The following OR7C1 variants were observed in gnomAD, a reference collection of about 807,000 sequenced individuals.
OR7C1 encodes the protein olfactory receptor 7C1.
For synonymous variants in OR7C1, 152 were observed against 160.7 expected, an observed-to-expected ratio of 0.95 and a Z score of 0.41; for missense variants, 324 against 383.3, an observed-to-expected ratio of 0.85 and a Z score of 1.29.
intron 1 of OR7C1, chr19:14,827,132 G>A (rs60413369): frequency 0.025 from 17,623 of 692,610 alleles, 434 homozygotes; most frequent in African/African-American, 0.089. Context: ...CTTAATAAAA[G>A]GAGTTGCTTA....
At chr19:14,811,070 T>C (rs902940698) in intron 1 of OR7C1, among the ~76,000 whole-genome samples, 8 of 151,900 alleles carry the variant, frequency 5.3e-5, no homozygotes, top group African/African-American at 1.9e-4. Context: ...GGGTCCTATG[T>C]TCTCTGTCAC....
chr19:14,799,147 G>C, exon 5 of OR7C1: 1 of 1,561,432 alleles, frequency 6.4e-7, no homozygotes, highest in South Asian at 1.2e-5. Flanking sequence ...CACCAAAAGT[G>C]CCTCCCAATG....
rs867489243 is a variant in OR7C1 at position 14,831,699 on chromosome 19, T to C, written c.-623+3375A>G. Among the ~76,000 whole-genome samples, 6 of 152,192 alleles carry C rather than the reference T, an allele frequency of 3.9e-5. No individual in the cohort carries two copies. In the South Asian group the frequency reaches 1.0e-3, roughly 26 times the overall value. ...ACCTCGTGATCCGCCTGCCTCGGCC[T>C]CCCAAAGTGCTGGGATTACAGGCGT... On this transcript the variant is annotated intron_variant, in intron 1 of 4. Coordinates refer to ENST00000641666, the Ensembl canonical transcript of OR7C1.
At chr19:14,827,045 T>G in intron 1 of OR7C1, 4 of 356,000 alleles carry the variant, frequency 1.1e-5, no homozygotes, top group African/African-American at 4.2e-5. Flanking sequence ...GTGTTTCTGA[T>G]CCAAAGTCGG....
intron 1 of OR7C1, chr19:14,826,422 C>A (rs1276985098): frequency 6.6e-6 from 1 of 152,058 alleles, no homozygotes; most frequent in African/African-American, 2.4e-5. Flanking sequence ...TTGTAGGGAG[C>A]ACTAAAAATT....
chr19:14,834,648 C>A (rs1164126363), intron 1 of OR7C1, among the ~76,000 whole-genome samples: 1 of 149,926 alleles, frequency 6.7e-6, no homozygotes, highest in East Asian at 2.0e-4. Context: ...CTGGATTTTT[C>A]TCACGGGCAT....
intron 1 of OR7C1, among the ~76,000 whole-genome samples, chr19:14,831,855 T>C (rs1244356893): frequency 1.3e-5 from 2 of 152,146 alleles, no homozygotes; most frequent in Admixed American, 6.6e-5. Context: ...GCCCAGACCA[T>C]ATTACATATT....
intron 2 of OR7C1, among the ~76,000 whole-genome samples, chr19:14,807,119 A>G (rs1262184229): frequency 6.6e-6 from 1 of 151,740 alleles, no homozygotes; most frequent in Non-Finnish European, 1.5e-5. Context: ...TTTGATTTGC[A>G]TTTCTCTAAT....
At position 14,827,265 on chromosome 19, in the gene OR7C1, A is replaced by G. The variant is rs775733800; in HGVS notation, c.-623+7809T>C. ...GAAGAATGACAGTTACTACCTCTGAAGCTTAGAGCCCTGCAATCATGGGCA... is the reference window on the plus strand; with the variant it reads ...GAAGAATGACAGTTACTACCTCTGAGGCTTAGAGCCCTGCAATCATGGGCA... On this transcript the variant is annotated intron_variant, in intron 1 of 4. Coordinates refer to ENST00000641666, the Ensembl canonical transcript of OR7C1. 25 of 1,513,438 alleles carry G rather than the reference A, an allele frequency of 1.7e-5. 1 individual carries two copies. Among genetic ancestry groups the G allele is most frequent in the Middle Eastern group, 3.6e-4 (2 of 5,598 alleles). The allele number at this position is 1,513,438 out of a possible 1,614,324, so 93.8% of individuals were successfully genotyped here. A position where few individuals can be genotyped will look rare whatever the true frequency, so the allele number is the denominator to read the frequency against.
At chr19:14,835,036 T>C (rs1357864844) in intron 1 of OR7C1, 38 bp downstream of exon 1, 1 of 152,234 alleles carries the variant, frequency 6.6e-6, no homozygotes, top group Non-Finnish European at 1.5e-5. Context: ...ATTCCATCTA[T>C]TGTTTTCCTG....
At chr19:14,799,380 C>T in exon 5 of OR7C1, 1 of 1,614,024 alleles carries the variant, frequency 6.2e-7, no homozygotes, top group Non-Finnish European at 8.5e-7. Context: ...AAGCCCGTGC[C>T]ATAGAACAAG....
intron 1 of OR7C1, among the ~76,000 whole-genome samples, chr19:14,828,913 AGAATATAAACAAATTAAACAATC>A (rs139814312): frequency 0.29 from 43,979 of 151,574 alleles, 6,739 homozygotes; most frequent in East Asian, 0.55. Flanking sequence ...TGATGAAGAA[AGAATATAAACAAATTAAACAATC>A]GAATATAAAC....
chr19:14,820,055 C>A (rs954601285), intron 1 of OR7C1, among the ~76,000 whole-genome samples: 1 of 151,956 alleles, frequency 6.6e-6, no homozygotes, highest in Admixed American at 6.6e-5. Flanking sequence ...TACAGGCATG[C>A]GCCGCCACTC....
At chr19:14,807,478 C>T (rs2044671105) in intron 2 of OR7C1, among the ~76,000 whole-genome samples, 1 of 151,892 alleles carries the variant, frequency 6.6e-6, no homozygotes, top group Non-Finnish European at 1.5e-5. Context: ...CTCTGTTCAT[C>T]TCTTTCTTGC....
intron 1 of OR7C1, chr19:14,825,011 T>G (rs2044758601): frequency 6.6e-6 from 1 of 152,160 alleles, no homozygotes; most frequent in Non-Finnish European, 1.5e-5. Context: ...GGATCACCAT[T>G]TGAACTCAGG....
At chr19:14,813,072 C>CAA (rs61686100) in intron 1 of OR7C1, among the ~76,000 whole-genome samples, 46 of 87,712 alleles carry the variant, frequency 5.2e-4, no homozygotes, top group African/African-American at 1.1e-3. Context: ...GATTCCATCT[C>CAA]AAAAAAAAAA....
At chr19:14,817,405 T>A (rs1031482093) in intron 1 of OR7C1, among the ~76,000 whole-genome samples, 2 of 152,258 alleles carry the variant, frequency 1.3e-5, no homozygotes, top group Non-Finnish European at 2.9e-5. Flanking sequence ...TTTGCCGCTA[T>A]GTAGAACATA....
At chr19:14,829,824 C>T (rs534960871) in intron 1 of OR7C1, among the ~76,000 whole-genome samples, 114 of 152,276 alleles carry the variant, frequency 7.5e-4, no homozygotes, top group African/African-American at 2.7e-3. Context: ...GCTCTGAAAC[C>T]TGCTGTCACT....
intron 4 of OR7C1, 39 bp from the exon 5 acceptor site, chr19:14,800,188 C>T (rs746929414): frequency 6.7e-7 from 1 of 1,486,406 alleles, no homozygotes; most frequent in Non-Finnish European, 9.0e-7. Context: ...CAATTATCAA[C>T]ACACTGGCAA....
Sources: allele counts gnomAD v4.1 joint callset (sites outside exome capture counted in the v4.1 genomes callset), GRCh38; gene constraint gnomAD v4.1.1; transcripts MANE v1.5; gene names NCBI Gene and HGNC (gene_info 2026-07-23, HGNC 2026-07-21).